LRRC7: variants seen among roughly 807,000 people sequenced by gnomAD.
The protein encoded by LRRC7 is leucine-rich repeat-containing protein 7.
In LRRC7, 23 loss-of-function variants were observed where a neutral mutation model predicts 175.7. That is an observed-to-expected ratio of 0.13 (90% CI 0.09 to 0.19). LRRC7 has a LOEUF of 0.19. Among genes scored for constraint, LRRC7 ranks in the 10% least tolerant of loss-of-function variants. The pLI, the probability that LRRC7 is intolerant of heterozygous loss-of-function variation, is 1.00. For synonymous variants in LRRC7, 685 were observed against 680.9 expected (o/e 1.01, Z -0.09); for missense variants, 1,354 against 1,904.7 (o/e 0.71, Z 5.38).
intron 23 of LRRC7, 30 bp downstream of exon 23, chr1:70,053,175 C>T (rs370836180): frequency 1.9e-6 from 3 of 1,578,984 alleles, no homozygotes; most frequent in African/African-American, 1.4e-5. Flanking sequence ...CAAGACAAAC[C>T]ATGAACCTTG....
intron 7 of LRRC7, among the ~76,000 whole-genome samples, chr1:69,884,728 T>G (rs948854739): frequency 1.4e-5 from 2 of 146,068 alleles, no homozygotes; most frequent in African/African-American, 2.7e-5. Flanking sequence ...TTTTTGCCCA[T>G]TCAGTATGAT....
At chr1:69,889,526 G>T (rs747870523) in intron 7 of LRRC7, among the ~76,000 whole-genome samples, 5 of 152,078 alleles carry the variant, frequency 3.3e-5, no homozygotes, top group East Asian at 1.9e-4. Context: ...AACCACTTTC[G>T]CTAGGTGCAG....
chr1:69,784,434 A>G (rs1255442128), intron 3 of LRRC7, among the ~76,000 whole-genome samples: 1 of 152,180 alleles, frequency 6.6e-6, no homozygotes, highest in Non-Finnish European at 1.5e-5. Flanking sequence ...TCACAATAAG[A>G]CATTTTAAAA....
intron 2 of LRRC7, among the ~76,000 whole-genome samples, chr1:69,681,851 T>C (rs1660528968): frequency 6.6e-6 from 1 of 152,158 alleles, no homozygotes; most frequent in South Asian, 2.1e-4. Flanking sequence ...CCAGTAATTT[T>C]TTATGTTGCT....
intron 10 of LRRC7, among the ~76,000 whole-genome samples, chr1:69,991,618 A>G (rs1225499203): frequency 6.6e-6 from 1 of 152,168 alleles, no homozygotes; most frequent in Non-Finnish European, 1.5e-5. Flanking sequence ...CATTAGTGAT[A>G]ATTGGATGGC....
At chr1:69,928,856 T>C (rs753602702) in intron 7 of LRRC7, among the ~76,000 whole-genome samples, 1 of 152,202 alleles carries the variant, frequency 6.6e-6, no homozygotes, top group African/African-American at 2.4e-5. Flanking sequence ...TGGGATGACC[T>C]TGGTACCTCA....
chr1:69,915,281 GTC>G (rs1189274072), intron 7 of LRRC7, among the ~76,000 whole-genome samples: 1 of 152,148 alleles, frequency 6.6e-6, no homozygotes, highest in Non-Finnish European at 1.5e-5. Flanking sequence ...AGCCTAACAG[GTC>G]AGAGTTTCAA....
intron 2 of LRRC7, among the ~76,000 whole-genome samples, chr1:69,696,714 T>C (rs1448123109): frequency 6.6e-6 from 1 of 152,164 alleles, no homozygotes; most frequent in Non-Finnish European, 1.5e-5. Context: ...TGATAATGCG[T>C]GAGTTCCTGC....
intron 1 of LRRC7, among the ~76,000 whole-genome samples, chr1:69,575,319 A>G (rs753997418): frequency 1.3e-5 from 2 of 152,232 alleles, no homozygotes; most frequent in Non-Finnish European, 2.9e-5. Context: ...TCTTAATTCA[A>G]TAGATCCAAT....
At chr1:69,925,516 G>T (rs929763642) in intron 7 of LRRC7, among the ~76,000 whole-genome samples, 12 of 151,944 alleles carry the variant, frequency 7.9e-5, no homozygotes, top group African/African-American at 2.9e-4. Flanking sequence ...ACTTCTTCCT[G>T]GTTTAGTCTT....
At chr1:69,569,903 T>C (rs1377739676) in intron 1 of LRRC7, among the ~76,000 whole-genome samples, 1 of 42,952 alleles carries the variant, frequency 2.3e-5, no homozygotes, top group Non-Finnish European at 3.9e-5. Flanking sequence ...TCAAAAGGAA[T>C]TACAAAAAAA....
At chr1:70,027,116 C>A (rs1025430539) in intron 17 of LRRC7, among the ~76,000 whole-genome samples, 1 of 152,028 alleles carries the variant, frequency 6.6e-6, no homozygotes, top group African/African-American at 2.4e-5. Context: ...CCCACCCCCA[C>A]ACACACTTTC....
chr1:69,824,920 CA>C (rs1679730627), intron 4 of LRRC7, among the ~76,000 whole-genome samples: 1 of 152,178 alleles, frequency 6.6e-6, no homozygotes, highest in Admixed American at 6.6e-5. Flanking sequence ...CTAACTTTTG[CA>C]GGGCCTACTA....
intron 2 of LRRC7, among the ~76,000 whole-genome samples, chr1:69,715,095 T>C (rs1436925049): frequency 2.0e-5 from 3 of 150,648 alleles, no homozygotes; most frequent in Non-Finnish European, 3.0e-5. Context: ...CTGTGTAAAA[T>C]TGGCTTGTTT....
intron 1 of LRRC7, among the ~76,000 whole-genome samples, chr1:69,653,532 G>A (rs12042784): frequency 1.3e-5 from 2 of 151,990 alleles, no homozygotes; most frequent in Admixed American, 6.6e-5. Flanking sequence ...GGACAAATTA[G>A]AACCTTTTTG....
chr1:69,720,061 A>G (rs1207477548), intron 2 of LRRC7, among the ~76,000 whole-genome samples: 2 of 151,460 alleles, frequency 1.3e-5, no homozygotes, highest in Non-Finnish European at 3.0e-5. Context: ...ACCTAATCTG[A>G]CAGTATTGAT....
At chr1:69,685,906 A>T (rs1007048442) in intron 2 of LRRC7, among the ~76,000 whole-genome samples, 4 of 152,084 alleles carry the variant, frequency 2.6e-5, no homozygotes, top group Non-Finnish European at 5.9e-5. Context: ...AACCAAAAAA[A>T]AAAAATCCAC....
chr1:69,768,556 T>C (rs1671875998), intron 3 of LRRC7, among the ~76,000 whole-genome samples: 2 of 152,224 alleles, frequency 1.3e-5, no homozygotes, highest in African/African-American at 4.8e-5. Context: ...GCCTAACTAC[T>C]TTATCATTGC....
intron 23 of LRRC7, among the ~76,000 whole-genome samples, chr1:70,058,357 A>G (rs1661313432): frequency 6.6e-6 from 1 of 152,162 alleles, no homozygotes; most frequent in Non-Finnish European, 1.5e-5. Flanking sequence ...TTTAGGATTC[A>G]CTGCTAGAAG....
Sources: allele counts gnomAD v4.1 joint callset (sites outside exome capture counted in the v4.1 genomes callset), GRCh38; gene constraint gnomAD v4.1.1; transcripts MANE v1.5; gene names NCBI Gene and HGNC (gene_info 2026-07-23, HGNC 2026-07-21).